Variants in UBE3C observed in about 807,000 individuals in gnomAD.
The protein encoded by UBE3C is ubiquitin protein ligase E3C, also known as ubiquitin-protein ligase E3C.
UBE3C carries 42 observed loss-of-function variants against 129.4 expected under a neutral mutation model. The observed-to-expected ratio is 0.32, with a 90% CI of 0.25 to 0.42. UBE3C has a LOEUF of 0.42. Among genes scored for constraint, UBE3C ranks in the 10% least tolerant of loss-of-function variants. UBE3C has a pLI of 1.00. For synonymous variants in UBE3C, 510 were observed against 492.4 expected (o/e 1.04, Z -0.47); for missense variants, 1,049 against 1,319.1 (o/e 0.80, Z 3.17).
At position 157,139,284 on chromosome 7, in the gene UBE3C, C is replaced by T; in HGVS notation, c.12C>T (p.Phe4=). The change falls in exon 1 of 23, where the codon TTC becomes TTT. Residue 4 remains phenylalanine, a synonymous_variant. Coordinates refer to ENST00000348165, the MANE Select transcript of UBE3C (RefSeq NM_014671.3). ...GCTAGGCTGCCAGGATGTTCAGCTT[C>T]GAAGGCGACTTCAAGACGCGGCCCA... MFS[F]EGDFKTRPKV... is the part of the protein sequence containing the mutation. 6.3e-7 allele frequency: 1 copy of T among 1,581,524 alleles called. No homozygotes were observed. Among genetic ancestry groups the T allele is most frequent in the Non-Finnish European group, 8.5e-7 (1 of 1,170,860 alleles).
intron 22 of UBE3C, among the ~76,000 whole-genome samples, chr7:157,258,445 G>A (rs1213390977): frequency 2.0e-5 from 3 of 151,844 alleles, no homozygotes; most frequent in Admixed American, 2.0e-4. Flanking sequence ...TGTTGTTGTT[G>A]CTGTTTTGTT....
intron 1 of UBE3C, among the ~76,000 whole-genome samples, chr7:157,157,982 AT>A (rs1807959733): frequency 6.9e-6 from 1 of 145,090 alleles, no homozygotes; most frequent in African/African-American, 2.6e-5. Context: ...AGATATATAT[AT>A]ATATAGAGAG....
At chr7:157,157,314 A>G (rs937636373) in intron 1 of UBE3C, among the ~76,000 whole-genome samples, 3 of 152,244 alleles carry the variant, frequency 2.0e-5, no homozygotes, top group African/African-American at 4.8e-5. Context: ...CTTTGTACAC[A>G]TAAAAATATC....
chr7:157,257,052 A>G lies in UBE3C; in HGVS notation c.3081+8A>G, dbSNP rs1796770393. ...CCTCTCTTGGGGTTTAAGGTACACA[A>G]CTTTCATGACATTTGCTTTAAAGAC... is the stretch of plus-strand genomic sequence containing the variant. On this transcript the variant is annotated splice_region_variant and intron_variant, in intron 22 of 22. Transcript: ENST00000348165. 1 of 1,613,974 alleles carries G rather than the reference A, an allele frequency of 6.2e-7. No individual in the cohort carries two copies. Among genetic ancestry groups the G allele is most frequent in the Non-Finnish European group, 8.5e-7 (1 of 1,179,922 alleles).
At chr7:157,249,462 G>A (rs1010924985) in intron 19 of UBE3C, among the ~76,000 whole-genome samples, 3 of 151,978 alleles carry the variant, frequency 2.0e-5, no homozygotes, top group Non-Finnish European at 2.9e-5. Flanking sequence ...ATTACAATGC[G>A]CCACCACGCC....
In UBE3C at chr7:157,201,876, G is replaced by A. The variant is rs1396661156; in HGVS notation, c.1418+69G>A. 7 of 1,336,156 alleles carry A rather than the reference G, an allele frequency of 5.2e-6. No individual in the cohort carries two copies. The Admixed American group carries it at 7.6e-5, about 15-fold the overall frequency. 82.8% of individuals were successfully genotyped at this position (1,336,156 alleles called of 1,614,324 possible). ...AAGTGGCAGCCTAATCAAAAATGTT[G>A]CCAGAACCTGTTTTTAAGTCCTGTT... On this transcript the variant is annotated intron_variant, in intron 11 of 22. Transcript: ENST00000348165.
In UBE3C at chr7:157,232,345, G is replaced by T. The variant is rs1796043411; in HGVS notation, c.2481+1018G>T. On this transcript the variant is annotated intron_variant, in intron 18 of 22. Transcript: ENST00000348165. ...TTATAAAGTTGAGTATTCAGGAATT[G>T]TTATTAGTTTGTTTGTTTGTTTGTT... Among the ~76,000 whole-genome samples, 3 of 151,610 alleles carry T rather than the reference G, an allele frequency of 2.0e-5. No individual in the cohort carries two copies. In the South Asian group the frequency reaches 6.3e-4, roughly 32 times the overall value.
At chr7:157,162,009 G>A (rs1021831340) in intron 1 of UBE3C, among the ~76,000 whole-genome samples, 1 of 151,764 alleles carries the variant, frequency 6.6e-6, no homozygotes, top group Non-Finnish European at 1.5e-5. Flanking sequence ...GGCAGAGGTT[G>A]CAGTGAGCCA....
intron 10 of UBE3C, among the ~76,000 whole-genome samples, chr7:157,194,821 T>A (rs764508104): frequency 5.3e-5 from 8 of 152,208 alleles, no homozygotes; most frequent in Non-Finnish European, 1.0e-4. Flanking sequence ...AGCAGAATTT[T>A]TAAGTGATGA....
intron 9 of UBE3C, among the ~76,000 whole-genome samples, chr7:157,186,346 G>C (rs534116752): frequency 6.5e-4 from 99 of 151,830 alleles, no homozygotes; most frequent in Non-Finnish European, 1.1e-3. Flanking sequence ...TTGAACCTGG[G>C]AGGCGGAGGT....
At position 157,261,408 on chromosome 7, in the gene UBE3C, C is replaced by T. The variant is rs185517455; in HGVS notation, c.3081+4364C>T. On this transcript the variant is annotated intron_variant, in intron 22 of 22. Transcript: ENST00000348165. ...CCGCACAATCATAATTGAGTTATACCGTGGAAAACACTTTGAGCATCCATG... is the reference window on the plus strand; with the variant it reads ...CCGCACAATCATAATTGAGTTATACTGTGGAAAACACTTTGAGCATCCATG... Among the ~76,000 whole-genome samples the T allele has an allele frequency of 1.0e-3, 156 of 151,058 alleles. 3 individuals are homozygous for T. The highest frequency in any genetic ancestry group is 1.9e-4 in the Non-Finnish European group (13 of 67,868).
chr7:157,170,986 T>G (rs1310228198), intron 4 of UBE3C, among the ~76,000 whole-genome samples: 1 of 152,078 alleles, frequency 6.6e-6, no homozygotes, highest in East Asian at 1.9e-4. Flanking sequence ...GGCTAATTTT[T>G]TTTTTTGTAG....
At chr7:157,161,433 G>GGATT (rs374658982) in intron 1 of UBE3C, among the ~76,000 whole-genome samples, 11 of 150,166 alleles carry the variant, frequency 7.3e-5, no homozygotes, top group African/African-American at 2.7e-4. Flanking sequence ...AGTATCTGGA[G>GGATT]GATTAATTTC....
At chr7:157,221,147 G>A (rs1344946905) in intron 15 of UBE3C, 1 of 179,788 alleles carries the variant, frequency 5.6e-6, no homozygotes, top group Non-Finnish European at 1.2e-5. Context: ...ACCACAGTTT[G>A]TGAATCCATT....
At chr7:157,152,713 T>C (rs529742664) in intron 1 of UBE3C, among the ~76,000 whole-genome samples, 3 of 152,296 alleles carry the variant, frequency 2.0e-5, no homozygotes, top group Non-Finnish European at 2.9e-5. Context: ...ATCCGGATGC[T>C]GTACGGCCTC....
chr7:157,219,728 A>C (rs957798464), intron 14 of UBE3C, among the ~76,000 whole-genome samples: 1 of 152,200 alleles, frequency 6.6e-6, no homozygotes, highest in African/African-American at 2.4e-5. Context: ...GTGAAACCCC[A>C]TCTCTGCTAA....
rs201356346 is a variant in UBE3C, at chr7:157,162,542, C to CTT, written c.67-1254_67-1253dup. ...CATATATAGTGTCTCCAATCTTGAA[C>CTT]TTTTTTTTTTTTTTTGAGACAGGAT... On this transcript the variant is annotated intron_variant, in intron 1 of 22. Coordinates refer to ENST00000348165, the MANE Select transcript of UBE3C (RefSeq NM_014671.3). Among the ~76,000 whole-genome samples, 136 of 140,134 alleles carry CTT rather than the reference C, an allele frequency of 9.7e-4. 1 individual carries two copies. The highest frequency in any genetic ancestry group is 6.9e-3 in the Admixed American group (96 of 13,908). 91.9% of individuals were successfully genotyped at this position (140,134 alleles called of 152,430 possible). A position where few individuals can be genotyped will look rare whatever the true frequency, so the allele number is the denominator to read the frequency against.
chr7:157,140,887 CTT>C (rs1284506021), intron 1 of UBE3C, among the ~76,000 whole-genome samples: 4 of 152,190 alleles, frequency 2.6e-5, no homozygotes, highest in Non-Finnish European at 4.4e-5. Context: ...TGAGGTATAA[CTT>C]AAGATACAGT....
chr7:157,179,764 A>G (rs937132476), intron 6 of UBE3C, among the ~76,000 whole-genome samples: 1 of 152,220 alleles, frequency 6.6e-6, no homozygotes, highest in African/African-American at 2.4e-5. Flanking sequence ...TGAAGTCTGG[A>G]CCACTTGGTC....
Sources: gnomAD v4.1 joint callset for allele counts (sites outside exome capture counted in the v4.1 genomes callset) on GRCh38, gnomAD v4.1.1 for gene constraint, MANE v1.5 for transcripts, NCBI Gene and HGNC (gene_info 2026-07-23, HGNC 2026-07-21) for gene names.